ELAVL3: variants seen among roughly 807,000 people sequenced by gnomAD.
ELAVL3 encodes the protein ELAV like RNA binding protein 3, also known as ELAV-like protein 3.
In ELAVL3, 8 loss-of-function variants were observed where a neutral mutation model predicts 34.2. The observed-to-expected ratio is 0.23, with a 90% CI of 0.14 to 0.42. The LOEUF is 0.42. ELAVL3 is among the 10% of genes least tolerant of loss of function. The probability of loss-of-function intolerance (pLI) is 1.00; values close to 1 mark genes in which losing one functional copy is unlikely to be tolerated. For missense variants in ELAVL3, 273 were observed against 518.8 expected (o/e 0.53, Z 4.60); for synonymous variants, 209 against 222.1 (o/e 0.94, Z 0.53).
chr19:11,455,621 T>TG (rs1477537095), intron 6 of ELAVL3, among the ~76,000 whole-genome samples: 1 of 151,064 alleles, frequency 6.6e-6, no homozygotes, highest in Non-Finnish European at 1.5e-5. Context: ...TTTGTAGAGG[T>TG]GGGGTCTCGC....
intron 1 of ELAVL3, among the ~76,000 whole-genome samples, chr19:11,471,612 CAA>C (rs201835223): frequency 7.0e-6 from 1 of 143,050 alleles, no homozygotes; most frequent in African/African-American, 2.6e-5. Context: ...GACTCTGTCT[CAA>C]AAAAAAAAAA....
At chr19:11,459,579 T>A (rs1394746197) in intron 3 of ELAVL3, among the ~76,000 whole-genome samples, 2 of 146,202 alleles carry the variant, frequency 1.4e-5, no homozygotes, top group Non-Finnish European at 3.0e-5. Context: ...AGCTAATCTT[T>A]AAATTTTTTT....
chr19:11,464,879 A>G (rs1599539069), intron 3 of ELAVL3, among the ~76,000 whole-genome samples: 1 of 92,526 alleles, frequency 1.1e-5, no homozygotes, highest in African/African-American at 3.6e-5. Context: ...ACACACATAC[A>G]CACATACACA....
chr19:11,457,953 G>A, intron 5 of ELAVL3, 108 bp downstream of exon 5: 1 of 1,197,560 alleles, frequency 8.4e-7, no homozygotes, highest in Non-Finnish European at 1.2e-6. Context: ...TGGCTCCCAT[G>A]TGTGCGCACC....
chr19:11,470,456 G>A (rs559420680), intron 1 of ELAVL3, among the ~76,000 whole-genome samples: 2 of 151,764 alleles, frequency 1.3e-5, no homozygotes, highest in East Asian at 1.9e-4. Flanking sequence ...ACCTGAGGTC[G>A]GGAGTTCGAG....
intron 1 of ELAVL3, among the ~76,000 whole-genome samples, chr19:11,468,987 T>A (rs943680043): frequency 6.6e-6 from 1 of 152,198 alleles, no homozygotes; most frequent in South Asian, 2.1e-4. Context: ...TAGGGCAATC[T>A]TGGTTCACTG....
At chr19:11,470,108 A>T (rs1339892169) in intron 1 of ELAVL3, among the ~76,000 whole-genome samples, 1 of 152,120 alleles carries the variant, frequency 6.6e-6, no homozygotes, top group Non-Finnish European at 1.5e-5. Context: ...TAATCCCAGC[A>T]GTTTGGGAGG....
At chr19:11,471,069 T>C (rs901623728) in intron 1 of ELAVL3, among the ~76,000 whole-genome samples, 3 of 152,040 alleles carry the variant, frequency 2.0e-5, no homozygotes, top group African/African-American at 7.3e-5. Flanking sequence ...TCCCAGCACT[T>C]TGGGAGGCCG....
chr19:11,465,517 C>T (rs992101860), intron 3 of ELAVL3, among the ~76,000 whole-genome samples: 8 of 147,194 alleles, frequency 5.4e-5, no homozygotes, highest in South Asian at 2.2e-4. Flanking sequence ...CAATCCCCAA[C>T]CCCCCACATC....
At chr19:11,463,135 C>T (rs1970926395) in intron 3 of ELAVL3, among the ~76,000 whole-genome samples, 1 of 152,116 alleles carries the variant, frequency 6.6e-6, no homozygotes, top group Non-Finnish European at 1.5e-5. Context: ...GGAGGTCCAA[C>T]ACCGTCTGAG....
Position 11,480,370 on chromosome 19 carries a change from C to T in ELAVL3, c.9+230G>A. 2.3e-6 allele frequency: 1 copy of T among 429,312 alleles called. No homozygotes were observed. Among genetic ancestry groups the T allele is most frequent in the Admixed American group, 4.4e-5 (1 of 22,580 alleles). The allele number at this position is 429,312 out of a possible 1,614,324, so 26.6% of individuals were successfully genotyped here. ...CTCCAGGGCGGCGTCGGACGCCTCC[C>T]GAATCGCAGTCAGTCTCCCTAAGGC... On this transcript the variant is annotated intron_variant, in intron 1 of 6. Transcript: ENST00000359227. The surrounding 1 kb of genome is among the most constrained non-coding windows in gnomAD (Gnocchi z 6.8).
At chr19:11,469,684 A>T (rs967508279) in intron 1 of ELAVL3, among the ~76,000 whole-genome samples, 1 of 152,190 alleles carries the variant, frequency 6.6e-6, no homozygotes, top group African/African-American at 2.4e-5. Flanking sequence ...AATTTGCTGA[A>T]TTTTTTGGTG....
intron 3 of ELAVL3, among the ~76,000 whole-genome samples, chr19:11,460,732 A>AC (rs1970865916): frequency 6.6e-6 from 1 of 151,854 alleles, no homozygotes; most frequent in South Asian, 2.1e-4. Flanking sequence ...TCCTCCCCCC[A>AC]CCACCCCTAT....
intron 3 of ELAVL3, among the ~76,000 whole-genome samples, chr19:11,464,169 T>TA (rs1568382072): frequency 3.5e-3 from 255 of 72,922 alleles, no homozygotes; most frequent in East Asian, 0.023. Flanking sequence ...ATATATATAT[T>TA]TTTTTTTTTT....
At position 11,454,928 on chromosome 19, in the gene ELAVL3, C is replaced by T; in HGVS notation, c.753-51G>A. 6.5e-7 allele frequency: 1 copy of T among 1,541,646 alleles called. No individual in the cohort carries two copies. The highest frequency in any genetic ancestry group is 8.7e-7 in the Non-Finnish European group (1 of 1,146,734). ...GCCCTGACCCCCCGCATGCTTCTGA[C>T]CCCGTTGTGACCCTTCACACCTTTA... On this transcript the variant is annotated intron_variant, in intron 6 of 6. Coordinates refer to ENST00000359227, the MANE Select transcript of ELAVL3 (RefSeq NM_001420.4). The surrounding 1 kb of genome is among the most constrained non-coding windows in gnomAD (Gnocchi z 9.2).
At chr19:11,479,993 G>A (rs1224212721) in intron 1 of ELAVL3, among the ~76,000 whole-genome samples, 3 of 151,262 alleles carry the variant, frequency 2.0e-5, no homozygotes, top group Admixed American at 1.3e-4. Context: ...GCGAGGCTGC[G>A]GCCCGCGAAG....
intron 1 of ELAVL3, among the ~76,000 whole-genome samples, chr19:11,479,465 A>G (rs1163307719): frequency 1.3e-5 from 2 of 152,038 alleles, no homozygotes; most frequent in Admixed American, 6.5e-5. Flanking sequence ...GGAAGAGTGG[A>G]AGAGGGAGGC....
chr19:11,456,530 G>A (rs964785503), intron 6 of ELAVL3, among the ~76,000 whole-genome samples: 3 of 139,760 alleles, frequency 2.1e-5, no homozygotes, highest in Non-Finnish European at 3.1e-5. Flanking sequence ...ATGGAGTTTC[G>A]CTCTTGTTGC....
In ELAVL3 at chr19:11,466,113, G is replaced by A; in HGVS notation, c.333+59C>T. 1.3e-6 allele frequency: 2 copies of A among 1,503,408 alleles called. No individual in the cohort carries two copies. Among genetic ancestry groups the A allele is most frequent in the Non-Finnish European group, 9.2e-7 (1 of 1,082,218 alleles). 93.1% of individuals were successfully genotyped at this position (1,503,408 alleles called of 1,614,324 possible). A position where few individuals can be genotyped will look rare whatever the true frequency, so the allele number is the denominator to read the frequency against. ...TGGGGGCGGGTAGGTGGCAGTAGGG[G>A]GTTGGGGACAGTCAGTTGGGGTGGG... On this transcript the variant is annotated intron_variant, in intron 3 of 6. Coordinates refer to ENST00000359227, the MANE Select transcript of ELAVL3 (RefSeq NM_001420.4). This position sits in a 1 kb window ranked among gnomAD's most constrained non-coding sequence, Gnocchi z 5.0.
Sources: gnomAD v4.1 joint callset for allele counts (sites outside exome capture counted in the v4.1 genomes callset) on GRCh38, gnomAD v4.1.1 for gene constraint, Gnocchi (gnomAD v3.1) non-coding constraint, MANE v1.5 for transcripts, NCBI Gene and HGNC (gene_info 2026-07-23, HGNC 2026-07-21) for gene names.